The following DPY19L2 variants were observed in gnomAD, a reference collection of about 807,000 sequenced individuals.
DPY19L2 encodes probable C-mannosyltransferase DPY19L2.
DPY19L2 carries 34 observed loss-of-function variants against 97.9 expected under a neutral mutation model. That is an observed-to-expected ratio of 0.35 (90% CI 0.26 to 0.46). The LOEUF is 0.46. Among genes scored for constraint, DPY19L2 ranks in the 20% least tolerant of loss-of-function variants. The probability of loss-of-function intolerance (pLI) is 1.00; values close to 1 mark genes in which losing one functional copy is unlikely to be tolerated. For missense variants in DPY19L2, 623 were observed against 911.4 expected (o/e 0.68, Z 4.07); for synonymous variants, 230 against 307.9 (o/e 0.75, Z 2.65).
chr12:63,648,383 G>A (rs1014134053), intron 4 of DPY19L2, among the ~76,000 whole-genome samples: 9 of 149,032 alleles, frequency 6.0e-5, no homozygotes, highest in East Asian at 3.9e-4. Flanking sequence ...TACCCATACC[G>A]TATAAACAAA....
chr12:63,603,010 GAA>G (rs922873648), intron 12 of DPY19L2, among the ~76,000 whole-genome samples: 25 of 152,082 alleles, frequency 1.6e-4, no homozygotes, highest in African/African-American at 6.0e-4. Context: ...GCTACACAGG[GAA>G]GACAAACAAA....
intron 14 of DPY19L2, among the ~76,000 whole-genome samples, chr12:63,596,347 T>G (rs1274256886): frequency 6.6e-6 from 1 of 152,172 alleles, no homozygotes; most frequent in Admixed American, 6.5e-5. Flanking sequence ...AATGTGTGTC[T>G]ACCGATCCCT....
At chr12:63,606,987 C>T (rs1423630212) in intron 12 of DPY19L2, among the ~76,000 whole-genome samples, 1 of 152,094 alleles carries the variant, frequency 6.6e-6, no homozygotes, top group East Asian at 1.9e-4. Flanking sequence ...GTAATAAATA[C>T]TTATTTTTGC....
upstream of DPY19L2, chr12:63,668,535 CTG>C: frequency 1.1e-6 from 1 of 880,608 alleles, no homozygotes; most frequent in African/African-American, 1.7e-5. Flanking sequence ...GTCATGGCGA[CTG>C]TGAAATGTGG....
intron 20 of DPY19L2, among the ~76,000 whole-genome samples, chr12:63,570,174 AT>A (rs1394754732): frequency 1.3e-5 from 2 of 152,180 alleles, no homozygotes; most frequent in African/African-American, 2.4e-5. Context: ...AACCAAAATA[AT>A]TTTTTAAACC....
chr12:63,623,004 G>A (rs536300498), intron 8 of DPY19L2, among the ~76,000 whole-genome samples: 11 of 152,098 alleles, frequency 7.2e-5, no homozygotes, highest in Non-Finnish European at 1.6e-4. Flanking sequence ...ACAAACAAAT[G>A]ACTTTTATAT....
rs150039098 is a variant in DPY19L2, at chr12:63,623,389, T to C, written c.953+651A>G. Reference sequence around the variant, plus strand: ...AAATTCATTTGCACACAGAACACTTTTTTCATGGCACAGTTATCAAAACCA... The same window carrying C: ...AAATTCATTTGCACACAGAACACTTCTTTCATGGCACAGTTATCAAAACCA... On this transcript the variant is annotated intron_variant, in intron 8 of 21. Coordinates refer to ENST00000324472, the MANE Select transcript of DPY19L2 (RefSeq NM_173812.5). Among the ~76,000 whole-genome samples, 647 of 152,312 alleles carry C rather than the reference T, an allele frequency of 4.2e-3. 10 individuals are homozygous for C. Among genetic ancestry groups the C allele is most frequent in the African/African-American group, 0.015 (609 of 41,558 alleles).
At chr12:63,616,479 A>G (rs918319339) in intron 11 of DPY19L2, among the ~76,000 whole-genome samples, 3 of 152,090 alleles carry the variant, frequency 2.0e-5, no homozygotes, top group Non-Finnish European at 4.4e-5. Context: ...TGCACCATAC[A>G]TGGAAAAGTG....
At position 63,617,378 on chromosome 12, in the gene DPY19L2, G is replaced by T. The variant is rs1220779082; in HGVS notation, c.1144C>A (p.Leu382Ile). 5 of 1,572,832 alleles carry T rather than the reference G, an allele frequency of 3.2e-6. No individual in the cohort carries two copies. Among genetic ancestry groups the T allele is most frequent in the Non-Finnish European group, 3.5e-6 (4 of 1,147,552 alleles). The change falls in exon 11 of 22, where the codon CTT becomes ATT. Residue 382 changes from leucine to isoleucine, a missense_variant. Around this residue, in one of 6 missense-constraint regions of DPY19L2, gnomAD observed 7 missense variants for 55.0 expected, o/e 0.13. Coordinates refer to ENST00000324472, the MANE Select transcript of DPY19L2 (RefSeq NM_173812.5). ...TTTCCAAACATCAAAATGAAACTAA[G>T]GGTAACTGAAATCTGAAAAAAATGA... ...IIYMNMISVT[L>I]SFILMFGNSM...
chr12:63,652,584 T>A (rs1894411233), intron 4 of DPY19L2, among the ~76,000 whole-genome samples: 1 of 152,170 alleles, frequency 6.6e-6, no homozygotes, highest in African/African-American at 2.4e-5. Flanking sequence ...CCATGAATAT[T>A]ATGCAGCCAT....
intron 19 of DPY19L2, among the ~76,000 whole-genome samples, chr12:63,579,562 A>G (rs1315448701): frequency 5.3e-5 from 8 of 152,172 alleles, no homozygotes; most frequent in East Asian, 1.9e-4. Flanking sequence ...CAGGAACCCA[A>G]TACAAACACT....
At chr12:63,658,097 T>C (rs12811912) in intron 4 of DPY19L2, among the ~76,000 whole-genome samples, 26,274 of 152,128 alleles carry the variant, frequency 0.17, 2,634 homozygotes, top group Non-Finnish European at 0.23. Context: ...GCTCTCTTCG[T>C]CACCAAATTG....
chr12:63,595,866 A>G, intron 15 of DPY19L2, 100 bp downstream of exon 15: 1 of 1,108,056 alleles, frequency 9.0e-7, no homozygotes, highest in South Asian at 1.6e-5. Context: ...TTAGAGAGAG[A>G]AAGAGTTCAT....
intron 18 of DPY19L2, 130 bp from the exon 19 acceptor site, chr12:63,580,966 T>C (rs1243393389): frequency 1.1e-6 from 1 of 930,992 alleles, no homozygotes; most frequent in East Asian, 2.7e-5. Flanking sequence ...GTATACAGAA[T>C]TATCATCTCC....
chr12:63,632,231 A>C (rs1020734072), intron 6 of DPY19L2, among the ~76,000 whole-genome samples: 2 of 152,120 alleles, frequency 1.3e-5, no homozygotes, highest in Non-Finnish European at 2.9e-5. Context: ...CAGGCAGGAG[A>C]AGGAAATAAA....
chr12:63,592,308 C>G (rs1254904487), intron 16 of DPY19L2, among the ~76,000 whole-genome samples: 1 of 150,712 alleles, frequency 6.6e-6, no homozygotes, highest in East Asian at 1.9e-4. Flanking sequence ...CATATGGAAC[C>G]AAAAAAGAGC....
At chr12:63,605,312 C>T (rs2137617326) in intron 12 of DPY19L2, among the ~76,000 whole-genome samples, 1 of 152,228 alleles carries the variant, frequency 6.6e-6, no homozygotes, top group East Asian at 1.9e-4. Flanking sequence ...CCTGCATGGG[C>T]AGGCTTCTTG....
intron 6 of DPY19L2, among the ~76,000 whole-genome samples, chr12:63,634,414 A>G (rs1380479839): frequency 5.9e-5 from 9 of 151,988 alleles, no homozygotes; most frequent in Middle Eastern, 6.4e-3. Flanking sequence ...TGCATTTCCA[A>G]CTGAAGTACT....
intron 21 of DPY19L2, among the ~76,000 whole-genome samples, chr12:63,565,681 G>C (rs1018724013): frequency 1.3e-5 from 2 of 152,104 alleles, no homozygotes; most frequent in Admixed American, 6.6e-5. Context: ...CACTTAATGT[G>C]ATAATTGATA....
Sources: gnomAD v4.1 joint callset for allele counts (sites outside exome capture counted in the v4.1 genomes callset) on GRCh38, gnomAD v4.1.1 for gene constraint, gnomAD v4.1.1 regional missense constraint, MANE v1.5 for transcripts, NCBI Gene and HGNC (gene_info 2026-07-23, HGNC 2026-07-21) for gene names.